Variants in ACER3 observed in about 807,000 individuals in gnomAD.
ACER3 encodes the protein alkCDase 3.
ACER3 carries 16 observed loss-of-function variants against 48.9 expected under a neutral mutation model. The observed-to-expected ratio is 0.33, with a 90% confidence interval of 0.22 to 0.50. ACER3 has a LOEUF of 0.50. Among genes scored for constraint, ACER3 ranks in the 20% least tolerant of loss-of-function variants. The pLI is 0.98. For synonymous variants in ACER3, 109 were observed against 107.8 expected (o/e 1.01, Z -0.07); for missense variants, 227 against 326.0 (o/e 0.70, Z 2.34).
intron 3 of ACER3, among the ~76,000 whole-genome samples, chr11:76,962,392 G>A (rs1948020510): frequency 6.6e-6 from 1 of 150,842 alleles, no homozygotes. Context: ...GCTAATTTTT[G>A]TATTTTTAGT....
At chr11:76,942,405 A>G in intron 2 of ACER3, among the ~76,000 whole-genome samples, 1 of 151,620 alleles carries the variant, frequency 6.6e-6, no homozygotes, top group Non-Finnish European at 1.5e-5. Flanking sequence ...TTTTTTTTGC[A>G]TCTATTGAGA....
chr11:76,911,485 C>G (rs982583895), intron 1 of ACER3, among the ~76,000 whole-genome samples: 2 of 152,124 alleles, frequency 1.3e-5, no homozygotes, highest in African/African-American at 4.8e-5. Flanking sequence ...TCTTTATCAG[C>G]CAAAATCCCA....
At chr11:76,934,553 C>T (rs565561095) in intron 2 of ACER3, among the ~76,000 whole-genome samples, 15 of 152,378 alleles carry the variant, frequency 9.8e-5, no homozygotes, top group African/African-American at 3.4e-4. Flanking sequence ...TCAGGCGTGG[C>T]GTGCGCCTGC....
intron 5 of ACER3, among the ~76,000 whole-genome samples, chr11:76,988,904 T>C (rs1948739185): frequency 6.6e-6 from 1 of 152,158 alleles, no homozygotes; most frequent in African/African-American, 2.4e-5. Flanking sequence ...TTTGGGACCT[T>C]GCAAATTACT....
At chr11:76,988,194 G>A (rs758625516) in intron 5 of ACER3, among the ~76,000 whole-genome samples, 1 of 152,160 alleles carries the variant, frequency 6.6e-6, no homozygotes, top group African/African-American at 2.4e-5. Flanking sequence ...ACCTTAATGA[G>A]GATGCTGTCA....
intron 4 of ACER3, among the ~76,000 whole-genome samples, chr11:76,980,173 A>AAAG (rs1340618502): frequency 1.3e-5 from 2 of 152,116 alleles, no homozygotes; most frequent in Non-Finnish European, 2.9e-5. Context: ...CTAACAAAAA[A>AAAG]AAACAGGCTC....
chr11:76,953,881 C>T (rs1236013715), intron 2 of ACER3, among the ~76,000 whole-genome samples: 1 of 151,522 alleles, frequency 6.6e-6, no homozygotes. Context: ...CATTTTTTAA[C>T]AACTGTACTT....
At chr11:76,875,084 C>G (rs1225195) in intron 1 of ACER3, among the ~76,000 whole-genome samples, 2 of 122,104 alleles carry the variant, frequency 1.6e-5, no homozygotes, top group South Asian at 2.9e-4. Context: ...AGACCAAATT[C>G]TAACATGGCA....
chr11:76,920,563 T>G (rs1946658561), intron 1 of ACER3, among the ~76,000 whole-genome samples: 1 of 152,154 alleles, frequency 6.6e-6, no homozygotes, highest in African/African-American at 2.4e-5. Flanking sequence ...AGCCTGTCTC[T>G]CCTTACTCTT....
chr11:76,988,629 C>G lies in ACER3; in HGVS notation c.403-1910C>G, dbSNP rs1235314643. Among the ~76,000 whole-genome samples, 4 of 152,296 alleles carry G rather than the reference C, an allele frequency of 2.6e-5. No homozygotes were observed. In the South Asian group the frequency reaches 8.3e-4, roughly 32 times the overall value. On this transcript the variant is annotated intron_variant, in intron 5 of 10. Coordinates refer to ENST00000532485, the MANE Select transcript of ACER3 (RefSeq NM_018367.7). ...ACCTCCCACAAAGTCCCTTCCCCAA[C>G]ACATAGGGATTACGATTCAGATTAC...
intron 7 of ACER3, among the ~76,000 whole-genome samples, chr11:77,003,533 T>C (rs1949076551): frequency 6.6e-6 from 1 of 152,196 alleles, no homozygotes; most frequent in Non-Finnish European, 1.5e-5. Flanking sequence ...ATTTTCTCCA[T>C]TTTTCATTTT....
intron 1 of ACER3, 37 bp downstream of exon 1, chr11:76,861,116 G>A: frequency 6.6e-7 from 1 of 1,524,126 alleles, no homozygotes; most frequent in Non-Finnish European, 8.9e-7. Flanking sequence ...GGGGCGAGAG[G>A]GCACCGGGCT....
intron 9 of ACER3, among the ~76,000 whole-genome samples, chr11:77,018,769 A>G (rs1949419957): frequency 6.6e-6 from 1 of 152,350 alleles, no homozygotes; most frequent in East Asian, 1.9e-4. Flanking sequence ...CAAGGCCCCA[A>G]CTCACTTCAG....
intron 1 of ACER3, among the ~76,000 whole-genome samples, chr11:76,875,110 T>TTTTTTC: frequency 1.0e-5 from 1 of 98,376 alleles, no homozygotes; most frequent in Non-Finnish European, 1.8e-5. Flanking sequence ...AGCACTTCTT[T>TTTTTTC]TTTTTTTTTT....
rs938405657 is a variant in ACER3, at chr11:76,957,520, T to C, written c.215-1459T>C. 4.0e-5 allele frequency: 18 copies of C among 446,846 alleles called. No individual in the cohort carries two copies. The East Asian group carries it at 6.3e-4, about 16-fold the overall frequency. The allele number at this position is 446,846 out of a possible 1,614,324, so 27.7% of individuals were successfully genotyped here. On this transcript the variant is annotated intron_variant, in intron 2 of 10. Transcript: ENST00000532485. The stretch of plus-strand genomic sequence containing the variant: ...GTGCAGTGGCACAATCTCGGCTCAC[T>C]GCAACCTCCATTTCCCAGGTTTACG...
chr11:76,895,549 G>T (rs1398819593), intron 1 of ACER3, among the ~76,000 whole-genome samples: 3 of 152,204 alleles, frequency 2.0e-5, no homozygotes, highest in Non-Finnish European at 4.4e-5. Flanking sequence ...TCTGGTTTGA[G>T]TCTGCTTCTG....
rs887857364 is a variant in ACER3, at chr11:76,963,883, G to A, written c.267+4852G>A. Among the ~76,000 whole-genome samples the A allele has an allele frequency of 8.6e-5, 13 of 151,568 alleles. 2 individuals are homozygous for A. Among genetic ancestry groups the A allele is most frequent in the African/African-American group, 2.7e-4 (11 of 40,820 alleles). ...ACAGCTCCAGTCTACAACTCTCGGC[G>A]TTAGCGACACAGAAGACGGGTGACT... On this transcript the variant is annotated intron_variant, in intron 3 of 10. Transcript: ENST00000532485.
At chr11:76,907,340 T>G (rs1946260874) in intron 1 of ACER3, among the ~76,000 whole-genome samples, 1 of 124,188 alleles carries the variant, frequency 8.1e-6, no homozygotes, top group Non-Finnish European at 2.1e-5. Flanking sequence ...TAGACACTAT[T>G]TCAAGCAAAT....
At chr11:76,862,806 A>G (rs769424812) in intron 1 of ACER3, among the ~76,000 whole-genome samples, 2 of 152,266 alleles carry the variant, frequency 1.3e-5, no homozygotes, top group Non-Finnish European at 2.9e-5. Context: ...TGAAAGTGTT[A>G]AATCAGACAT....
Sources: allele counts gnomAD v4.1 joint callset (sites outside exome capture counted in the v4.1 genomes callset), GRCh38; gene constraint gnomAD v4.1.1; transcripts MANE v1.5; gene names NCBI Gene and HGNC (gene_info 2026-07-23, HGNC 2026-07-21).